KLHDC10: variants seen among roughly 807,000 people sequenced by gnomAD.
The protein encoded by KLHDC10 is kelch domain-containing protein 10.
In KLHDC10, 24 loss-of-function variants were observed where a neutral mutation model predicts 56.1. The ratio of observed to expected loss-of-function variants is 0.43; its 90% CI spans 0.31 to 0.60. The LOEUF (loss-of-function observed/expected upper bound fraction) is 0.60. Ranked by LOEUF, KLHDC10 falls within the 20% of genes least tolerant of loss-of-function variation. The pLI, the probability that KLHDC10 is intolerant of heterozygous loss-of-function variation, is 0.11. For missense variants in KLHDC10, 349 were observed against 567.0 expected (o/e 0.62, Z 3.91); for synonymous variants, 188 against 207.1 (o/e 0.91, Z 0.79).
intron 2 of KLHDC10, among the ~76,000 whole-genome samples, chr7:130,110,064 G>T (rs1796079519): frequency 6.6e-6 from 1 of 152,184 alleles, no homozygotes; most frequent in Admixed American, 6.5e-5. Context: ...TGATATTTTT[G>T]AACAGTTGCA....
At position 130,070,683 on chromosome 7, in the gene KLHDC10, G is replaced by C; in HGVS notation, c.40G>C (p.Gly14Arg). ...AQGWDRNRRR[G>R]GGAAGAGGGG... ...GGGCTGGGACAGGAACCGCCGGAGG[G>C]GAGGAGGCGCCGCCGGCGCTGGTGG... Residue 14 changes from glycine (G) to arginine (R), a missense_variant, in exon 1 of 10, where the codon GGA becomes CGA. Transcript: ENST00000335420. 1 of 1,308,194 alleles carries C rather than the reference G, an allele frequency of 7.6e-7. No individual in the cohort carries two copies. Among genetic ancestry groups the C allele is most frequent in the Non-Finnish European group, 9.8e-7 (1 of 1,023,538 alleles). 81.0% of individuals were successfully genotyped at this position (1,308,194 alleles called of 1,614,324 possible). A position where few individuals can be genotyped will look rare whatever the true frequency, so the allele number is the denominator to read the frequency against.
At chr7:130,128,889 A>AAAAAAAAAAAAAAAAAAAATATAT in intron 8 of KLHDC10, among the ~76,000 whole-genome samples, 2 of 66,956 alleles carry the variant, frequency 3.0e-5, no homozygotes, top group Non-Finnish European at 5.5e-5. Flanking sequence ...AAAAAAAAAA[A>AAAAAAAAAAAAAAAAAAAATATAT]ATATATATAT....
Position 130,129,418 on chromosome 7 carries a change from C to T in KLHDC10, c.980-19C>T. 6.2e-7 allele frequency: 1 copy of T among 1,612,276 alleles called. No homozygotes were observed. The highest frequency in any genetic ancestry group is 8.5e-7 in the Non-Finnish European group (1 of 1,179,516). ...GCTCTTTTCCTTTGTGTGATCTTGG[C>T]TTTCTCTTTTCTTCATAGATGTATT... On this transcript the variant is annotated intron_variant, in intron 8 of 9. Coordinates refer to ENST00000335420, the MANE Select transcript of KLHDC10 (RefSeq NM_014997.4).
intron 2 of KLHDC10, 44 bp downstream of exon 2, chr7:130,097,051 AG>A: frequency 7.6e-7 from 1 of 1,315,446 alleles, no homozygotes; most frequent in South Asian, 1.5e-5. Flanking sequence ...TATGGGTTAA[AG>A]GGAACTTTGA....
chr7:130,070,739 G>A lies in KLHDC10; in HGVS notation c.96G>A (p.Gly32=). 1 of 1,288,166 alleles carries A rather than the reference G, an allele frequency of 7.8e-7. No homozygotes were observed. The highest frequency in any genetic ancestry group is 9.8e-7 in the Non-Finnish European group (1 of 1,016,286). The allele number at this position is 1,288,166 out of a possible 1,614,324, so 79.8% of individuals were successfully genotyped here. ...GGGSGAGGGS[G]GSGGRGTGQL... ...GTAGCGGGGCCGGCGGGGGCAGTGG[G>A]GGCAGCGGGGGTCGGGGGACTGGCC... The change falls in exon 1 of 10, where the codon GGG becomes GGA. Residue 32 remains glycine, a synonymous_variant. Coordinates refer to ENST00000335420, the MANE Select transcript of KLHDC10 (RefSeq NM_014997.4).
intron 1 of KLHDC10, chr7:130,094,971 A>C (rs76574109): frequency 6.6e-6 from 1 of 152,168 alleles, no homozygotes; most frequent in Admixed American, 6.6e-5. Context: ...AAAAATGTCA[A>C]ATTTTAAGCT....
Position 130,130,129 on chromosome 7 carries a change from A to G in KLHDC10, c.1120-408A>G, listed in dbSNP as rs748368052. Among the ~76,000 whole-genome samples, 2 of 151,902 alleles carry G rather than the reference A, an allele frequency of 1.3e-5. No individual in the cohort carries two copies. Among genetic ancestry groups the G allele is most frequent in the South Asian group, 2.1e-4 (1 of 4,798 alleles). On this transcript the variant is annotated intron_variant, in intron 9 of 9. Transcript: ENST00000335420. This position sits in a 1 kb window ranked among gnomAD's most constrained non-coding sequence, Gnocchi z 4.2. ...CAGGAGATTGAGACCATCCTGGCTA[A>G]CACGGATGAAACCCCATCTCTACTA...
rs1487525824 is a variant in KLHDC10, at chr7:130,125,877, A to C, written c.877A>C (p.Asn293His). ...TTTTTTCTCCAAGATCCATGCATAC[A>C]ACCTTGAAACGAATGCCTGGGAGGA... ...AYSLNKIHAY[N>H]LETNAWEEIA... The change falls in exon 7 of 10, where the codon AAC becomes CAC. Residue 293 changes from asparagine to histidine, a missense_variant. By Grantham distance (68) the Asn-to-His change is moderately conservative. Transcript: ENST00000335420. 6.2e-7 allele frequency: 1 copy of C among 1,601,964 alleles called. No individual in the cohort carries two copies. The highest frequency in any genetic ancestry group is 8.5e-7 in the Non-Finnish European group (1 of 1,176,972).
chr7:130,114,030 A>G (rs1796135484), intron 2 of KLHDC10, among the ~76,000 whole-genome samples: 1 of 152,212 alleles, frequency 6.6e-6, no homozygotes, highest in African/African-American at 2.4e-5. Context: ...TCTGTTAGGC[A>G]TAATAATACC....
At chr7:130,109,407 G>C (rs13224496) in intron 2 of KLHDC10, among the ~76,000 whole-genome samples, 40,531 of 151,478 alleles carry the variant, frequency 0.27, 5,965 homozygotes, top group African/African-American at 0.35. Flanking sequence ...TGGCAGGGTC[G>C]GTACAGATAG....
At chr7:130,078,182 A>G (rs896480120) in intron 1 of KLHDC10, among the ~76,000 whole-genome samples, 34 of 151,820 alleles carry the variant, frequency 2.2e-4, no homozygotes, top group African/African-American at 7.5e-4. Flanking sequence ...AGCTTGGCCA[A>G]TATGGTGAAA....
chr7:130,109,589 C>G (rs1034690965), intron 2 of KLHDC10, among the ~76,000 whole-genome samples: 2 of 151,960 alleles, frequency 1.3e-5, no homozygotes, highest in Admixed American at 1.3e-4. Context: ...AGTTACAGAC[C>G]TTGTTTCAGA....
At chr7:130,075,809 A>G (rs534032133) in intron 1 of KLHDC10, among the ~76,000 whole-genome samples, 1 of 152,178 alleles carries the variant, frequency 6.6e-6, no homozygotes, top group South Asian at 2.1e-4. Flanking sequence ...TTGGTAACGG[A>G]GTGGGTTATC....
intron 1 of KLHDC10, among the ~76,000 whole-genome samples, chr7:130,078,924 C>T (rs890949757): frequency 2.0e-5 from 3 of 152,212 alleles, no homozygotes; most frequent in African/African-American, 7.2e-5. Flanking sequence ...TGTCCTATTC[C>T]TTACTTCAAT....
chr7:130,119,145 G>T (rs956923605), intron 3 of KLHDC10, among the ~76,000 whole-genome samples: 4 of 151,270 alleles, frequency 2.6e-5, no homozygotes, highest in African/African-American at 9.7e-5. Flanking sequence ...GGAGTTCAAG[G>T]CTGCAGTGAG....
In KLHDC10 at chr7:130,115,826, C is replaced by T. The variant is rs567077469; in HGVS notation, c.254-619C>T. 3.3e-5 allele frequency among the ~76,000 whole-genome samples: 5 copies of T among 151,782 alleles called. No homozygotes were observed. In the South Asian group the frequency reaches 1.0e-3, roughly 32 times the overall value. Reference sequence around the variant, plus strand: ...AGCTCTTAATAGGATGAAAGATGCTCTCTGAGATAAATATAAGGAGATTCT... The same window carrying T: ...AGCTCTTAATAGGATGAAAGATGCTTTCTGAGATAAATATAAGGAGATTCT... On this transcript the variant is annotated intron_variant, in intron 2 of 9. Coordinates refer to ENST00000335420, the MANE Select transcript of KLHDC10 (RefSeq NM_014997.4).
chr7:130,090,443 G>A (rs978883248), intron 1 of KLHDC10, among the ~76,000 whole-genome samples: 61 of 151,898 alleles, frequency 4.0e-4, no homozygotes, highest in African/African-American at 1.4e-3. Flanking sequence ...CAAAAATTAG[G>A]CAGGTGTGGT....
At chr7:130,078,328 T>A (rs540801096) in intron 1 of KLHDC10, among the ~76,000 whole-genome samples, 1 of 151,508 alleles carries the variant, frequency 6.6e-6, no homozygotes, top group African/African-American at 2.4e-5. Flanking sequence ...CAGCAAAGAT[T>A]GCGCTATTGC....
chr7:130,102,855 G>A (rs10250693), intron 2 of KLHDC10, among the ~76,000 whole-genome samples: 13,131 of 151,960 alleles, frequency 0.086, 736 homozygotes, highest in African/African-American at 0.17. Context: ...AACAAAAAAC[G>A]CTTCCATGGA....
Sources: gnomAD v4.1 joint callset for allele counts (sites outside exome capture counted in the v4.1 genomes callset) on GRCh38, gnomAD v4.1.1 for gene constraint, Gnocchi (gnomAD v3.1) non-coding constraint, MANE v1.5 for transcripts, NCBI Gene and HGNC (gene_info 2026-07-23, HGNC 2026-07-21) for gene names.